The following CHURC1 variants were observed in gnomAD, a reference collection of about 807,000 sequenced individuals.
CHURC1 encodes the protein churchill domain containing 1.
Under a neutral mutation model 15.4 loss-of-function variants are expected in CHURC1, and 12 were observed. That is an observed-to-expected ratio of 0.78 (90% confidence interval 0.50 to 1.27). The LOEUF (loss-of-function observed/expected upper bound fraction) is 1.27. CHURC1 is among the 50% of genes most tolerant of loss of function. The pLI, the probability that CHURC1 is intolerant of heterozygous loss-of-function variation, is 0.00. For missense variants in CHURC1, 132 were observed against 137.8 expected, an observed-to-expected ratio of 0.96 and a Z score of 0.21; for synonymous variants, 42 against 47.5, an observed-to-expected ratio of 0.88 and a Z score of 0.48.
intron 3 of CHURC1, among the ~76,000 whole-genome samples, chr14:64,927,272 A>G (rs1356862895): frequency 6.6e-6 from 1 of 152,204 alleles, no homozygotes; most frequent in African/African-American, 2.4e-5. Flanking sequence ...CAGCATCCAA[A>G]AATTATGCCT....
At chr14:64,923,787 C>CTTTTTTTTTTTT (rs60825476) in intron 1 of CHURC1, among the ~76,000 whole-genome samples, 2 of 77,068 alleles carry the variant, frequency 2.6e-5, no homozygotes, top group Non-Finnish European at 5.6e-5. Flanking sequence ...ACTTTAGTTG[C>CTTTTTTTTTTTT]TTTTTTTTTT....
intron 1 of CHURC1, among the ~76,000 whole-genome samples, chr14:64,922,263 T>C (rs2139891027): frequency 6.6e-6 from 1 of 152,184 alleles, no homozygotes; most frequent in South Asian, 2.1e-4. Flanking sequence ...ATGTAAATTG[T>C]ACCTCAGTAG....
chr14:64,916,623 GT>G (rs1883899699), intron 1 of CHURC1, among the ~76,000 whole-genome samples: 1 of 152,156 alleles, frequency 6.6e-6, no homozygotes, highest in Non-Finnish European at 1.5e-5. Flanking sequence ...TGTCGCCCAG[GT>G]TGGAGTGCAG....
At chr14:64,930,665 A>G (rs1016480668) in intron 3 of CHURC1, 7 of 346,212 alleles carry the variant, frequency 2.0e-5, no homozygotes, top group African/African-American at 1.5e-4. Context: ...GTCTGCCAGC[A>G]CATTGCAGAG....
Position 64,932,966 on chromosome 14 carries a change from C to T in CHURC1, c.*736C>T, listed in dbSNP as rs982003616. On this transcript the variant is annotated 3_prime_UTR_variant, in exon 4 of 4. Transcript: ENST00000549115. ...GAAATCTGACAGACACCAGCTCAGC[C>T]AGGTGATTGAGGTTAACATCATCCA... The T allele has an allele frequency of 6.6e-6, 1 of 152,190 alleles. No homozygotes were observed. The highest frequency in any genetic ancestry group is 1.5e-5 in the Non-Finnish European group (1 of 68,080). 9.4% of individuals were successfully genotyped at this position (152,190 alleles called of 1,614,324 possible).
intron 1 of CHURC1, among the ~76,000 whole-genome samples, chr14:64,919,607 G>A (rs1884126760): frequency 6.6e-6 from 1 of 152,154 alleles, no homozygotes; most frequent in South Asian, 2.1e-4. Context: ...AATGGGCCAG[G>A]TATGGTGGCT....
chr14:64,915,162 A>G (rs1026382148), intron 1 of CHURC1, among the ~76,000 whole-genome samples: 7 of 152,242 alleles, frequency 4.6e-5, no homozygotes, highest in Non-Finnish European at 1.0e-4. Flanking sequence ...TAGGCCAGAA[A>G]GGGATTATTT....
chr14:64,926,959 C>G (rs2092326928), intron 3 of CHURC1, among the ~76,000 whole-genome samples: 1 of 152,194 alleles, frequency 6.6e-6, no homozygotes, highest in Non-Finnish European at 1.5e-5. Flanking sequence ...CTGTCCCTCA[C>G]TGCCTGTTTT....
chr14:64,920,917 A>G (rs1393336213), intron 1 of CHURC1, among the ~76,000 whole-genome samples: 1 of 152,086 alleles, frequency 6.6e-6, no homozygotes, highest in African/African-American at 2.4e-5. Flanking sequence ...AGAACCAAGA[A>G]TAGCCAGATT....
intron 1 of CHURC1, among the ~76,000 whole-genome samples, chr14:64,919,134 A>G (rs1402065766): frequency 1.3e-5 from 2 of 152,174 alleles, no homozygotes; most frequent in Non-Finnish European, 2.9e-5. Context: ...CCTTCAGAAA[A>G]GCATTTAGCA....
Position 64,917,888 on chromosome 14 carries a change from G to A in CHURC1, c.39+3354G>A, listed in dbSNP as rs140020207. Among the ~76,000 whole-genome samples, 655 of 152,282 alleles carry A rather than the reference G, an allele frequency of 4.3e-3. 3 individuals carry two copies. Among genetic ancestry groups the A allele is most frequent in the Non-Finnish European group, 7.3e-3 (495 of 68,014 alleles). On this transcript the variant is annotated intron_variant, in intron 1 of 3. Transcript: ENST00000549115. ...TATGGGAAGAAAAAACAAAATTGGG[G>A]ACAAATGGTCAAATTGTTATTAATA...
At position 64,925,769 on chromosome 14, in the gene CHURC1, C is replaced by T. The variant is rs143327285; in HGVS notation, c.176-241C>T. Among the ~76,000 whole-genome samples, 994 of 149,406 alleles carry T rather than the reference C, an allele frequency of 6.7e-3. 13 individuals carry two copies. The highest frequency in any genetic ancestry group is 0.023 in the African/African-American group (944 of 40,474). On this transcript the variant is annotated intron_variant, in intron 2 of 3. Coordinates refer to ENST00000549115, the MANE Select transcript of CHURC1 (RefSeq NM_001386928.1). ...ACACTTAAATATGTTTTAACTGCTT[C>T]TCTTAAAGAACTTTTGGTGGCAATT...
chr14:64,917,391 C>T (rs1408771794), intron 1 of CHURC1, among the ~76,000 whole-genome samples: 4 of 152,132 alleles, frequency 2.6e-5, no homozygotes, highest in African/African-American at 4.8e-5. Flanking sequence ...GGCGAAACCC[C>T]GTCTCTACTA....
At position 64,924,189 on chromosome 14, in the gene CHURC1, T is replaced by C. The variant is rs1884518766; in HGVS notation, c.175+63T>C. On this transcript the variant is annotated intron_variant, in intron 2 of 3. Transcript: ENST00000549115. ...AGGTGTCAGCTTTTGGAAGTCGATA[T>C]GTTACACAAAATATTCTGAGGCCTA... 8.6e-6 allele frequency: 13 copies of C among 1,503,580 alleles called. No homozygotes were observed. In the South Asian group the frequency reaches 9.7e-5, roughly 11 times the overall value. The allele number at this position is 1,503,580 out of a possible 1,614,324, so 93.1% of individuals were successfully genotyped here.
intron 3 of CHURC1, chr14:64,930,953 G>C (rs949477912): frequency 4.9e-5 from 20 of 405,056 alleles, no homozygotes; most frequent in South Asian, 3.4e-4. Context: ...GAACTCACCA[G>C]TAGAAGATGG....
At position 64,934,278 on chromosome 14, in the gene CHURC1, AGG is replaced by A. The variant is rs1238812431; in HGVS notation, c.*2050_*2051del. 2 of 365,138 alleles carry A rather than the reference AGG, an allele frequency of 5.5e-6. No homozygotes were observed. Among genetic ancestry groups the A allele is most frequent in the African/African-American group, 4.4e-5 (2 of 45,178 alleles). 22.6% of individuals were successfully genotyped at this position (365,138 alleles called of 1,614,324 possible). A position where few individuals can be genotyped will look rare whatever the true frequency, so the allele number is the denominator to read the frequency against. On this transcript the variant is annotated 3_prime_UTR_variant, in exon 4 of 4. Transcript: ENST00000549115. Reference sequence around the variant, plus strand: ...CAGGAGAATCGCTTGAACCCGCGACAGGGAGGTTGTGATGAGCCAAGGTCATG... The same window carrying A: ...CAGGAGAATCGCTTGAACCCGCGACAGAGGTTGTGATGAGCCAAGGTCATG...
At chr14:64,922,555 G>C (rs1393264196) in intron 1 of CHURC1, among the ~76,000 whole-genome samples, 1 of 144,982 alleles carries the variant, frequency 6.9e-6, no homozygotes, top group South Asian at 2.2e-4. Flanking sequence ...TTCAGCCTGG[G>C]TGACAGAGCG....
At chr14:64,927,453 G>A (rs550143650) in intron 3 of CHURC1, among the ~76,000 whole-genome samples, 2 of 152,246 alleles carry the variant, frequency 1.3e-5, no homozygotes, top group Admixed American at 6.5e-5. Flanking sequence ...TGAATTTCAC[G>A]TGAGTTATGT....
chr14:64,929,578 T>C (rs1884959785), intron 3 of CHURC1, among the ~76,000 whole-genome samples: 1 of 152,174 alleles, frequency 6.6e-6, no homozygotes, highest in East Asian at 1.9e-4. Flanking sequence ...CATTGTTGTT[T>C]TATATTAAAC....
Sources: allele counts gnomAD v4.1 joint callset (sites outside exome capture counted in the v4.1 genomes callset), GRCh38; gene constraint gnomAD v4.1.1; transcripts MANE v1.5; gene names NCBI Gene and HGNC (gene_info 2026-07-23, HGNC 2026-07-21).